ZNF704: variants seen among roughly 807,000 people sequenced by gnomAD.
The protein encoded by ZNF704 is zinc finger protein 704, also known as glucocorticoid induced gene 1.
ZNF704 carries 10 observed loss-of-function variants against 44.7 expected under a neutral mutation model. That is an observed-to-expected ratio of 0.22 (90% CI 0.14 to 0.38). ZNF704 has a LOEUF of 0.38. ZNF704 is among the 10% of genes least tolerant of loss of function. The pLI is 1.00. For missense variants in ZNF704, 390 were observed against 545.5 expected (o/e 0.71, Z 2.84); for synonymous variants, 211 against 207.6 (o/e 1.02, Z -0.14).
intron 2 of ZNF704, among the ~76,000 whole-genome samples, chr8:80,813,412 TTATAA>T (rs1157724026): frequency 6.6e-6 from 1 of 152,240 alleles, no homozygotes; most frequent in Admixed American, 6.5e-5. Context: ...TAATGTGTGC[TTATAA>T]TAAAGAACTT....
At chr8:80,882,078 C>T in the ZNF704 span, among the ~76,000 whole-genome samples, 6 of 152,276 alleles carry the variant, frequency 3.9e-5, no homozygotes, top group South Asian at 2.1e-4. Flanking sequence ...AATATAGTGC[C>T]GCCAACCTTT....
chr8:80,848,467 T>C (rs928772108), intron 1 of ZNF704, among the ~76,000 whole-genome samples: 18 of 152,248 alleles, frequency 1.2e-4, no homozygotes, highest in Non-Finnish European at 1.3e-4. Flanking sequence ...GATGTTACCA[T>C]TGAAAGAAAC....
intron 2 of ZNF704, among the ~76,000 whole-genome samples, chr8:80,796,230 A>G (rs1807798673): frequency 6.6e-6 from 1 of 151,906 alleles, no homozygotes; most frequent in Admixed American, 6.6e-5. Context: ...GCTGGTGGGA[A>G]CTCTCTGCAG....
intron 2 of ZNF704, among the ~76,000 whole-genome samples, chr8:80,778,448 C>T (rs1397882048): frequency 1.3e-5 from 2 of 152,110 alleles, no homozygotes; most frequent in South Asian, 2.1e-4. Flanking sequence ...AGCAGAATGG[C>T]AATTCCTCAA....
intron 1 of ZNF704, among the ~76,000 whole-genome samples, chr8:80,865,345 G>A (rs1443191236): frequency 6.6e-6 from 1 of 152,180 alleles, no homozygotes; most frequent in Non-Finnish European, 1.5e-5. Flanking sequence ...CATGCAACAA[G>A]TGAGTGGAGA....
In ZNF704 at chr8:80,631,014, T is replaced by TAA. The variant is rs1817575195; in HGVS notation, c.*10350_*10351dup. On this transcript the variant is annotated 3_prime_UTR_variant, in exon 9 of 9. Transcript: ENST00000327835. ...CTTCCCTAAAAAGCTAAGTCTTTTC[T>TAA]AAAGCTTTCTACCAATGACCAAGGA... The TAA allele has an allele frequency of 6.6e-6, 1 of 152,192 alleles. No homozygotes were observed. Among genetic ancestry groups the TAA allele is most frequent in the South Asian group, 2.1e-4 (1 of 4,828 alleles). 9.4% of individuals were successfully genotyped at this position (152,192 alleles called of 1,614,324 possible).
At chr8:80,680,332 T>C (rs901425395) in intron 4 of ZNF704, among the ~76,000 whole-genome samples, 3 of 152,088 alleles carry the variant, frequency 2.0e-5, no homozygotes, top group African/African-American at 7.2e-5. Flanking sequence ...GTTAACGTCA[T>C]GTTCTGAGGT....
At chr8:80,787,321 C>A (rs1807631067) in intron 2 of ZNF704, among the ~76,000 whole-genome samples, 1 of 152,168 alleles carries the variant, frequency 6.6e-6, no homozygotes, top group Non-Finnish European at 1.5e-5. Flanking sequence ...TGCACATCTA[C>A]ATGTGCGTGC....
rs1210940354 is a variant in ZNF704 at position 80,874,135 on chromosome 8, G to C, written c.-22+436C>G. ...TGCCTCCGCCGGTGGCCGCAGGGCC[G>C]GGGACTCGCGGCCGCAAGGGGCTGC... On this transcript the variant is annotated intron_variant, in intron 1 of 8. Transcript: ENST00000327835. This position sits in a 1 kb window ranked among gnomAD's most constrained non-coding sequence, Gnocchi z 4.4. 6.8e-6 allele frequency among the ~76,000 whole-genome samples: 1 copy of C among 146,686 alleles called. No homozygotes were observed. Among genetic ancestry groups the C allele is most frequent in the African/African-American group, 2.4e-5 (1 of 40,890 alleles).
the ZNF704 span, among the ~76,000 whole-genome samples, chr8:80,883,271 A>G: frequency 6.6e-6 from 1 of 151,440 alleles, no homozygotes; most frequent in South Asian, 2.1e-4. Flanking sequence ...AAAAAGAAAG[A>G]AATATTTTAA....
Position 80,728,649 on chromosome 8 carries a change from T to G in ZNF704, c.222-35542A>C, listed in dbSNP as rs913011899. On this transcript the variant is annotated intron_variant, in intron 2 of 8. Coordinates refer to ENST00000327835, the MANE Select transcript of ZNF704 (RefSeq NM_001033723.3). ...ACAAAAACCAAAGAAGTGAAGTAAC[T>G]TGTTTAAAGGCACAGAGTAATTGGG... is the stretch of plus-strand genomic sequence containing the variant. Among the ~76,000 whole-genome samples, 6 of 152,304 alleles carry G rather than the reference T, an allele frequency of 3.9e-5. No individual in the cohort carries two copies. In the South Asian group the frequency reaches 1.2e-3, roughly 32 times the overall value.
At position 80,842,778 on chromosome 8, in the gene ZNF704, G is replaced by A. The variant is rs369164426; in HGVS notation, c.-21-21163C>T. ...TCAAACCACACTCAAGAAAGCACAG[G>A]AAATCAGAACCACAGTGGAAGATGG... On this transcript the variant is annotated intron_variant, in intron 1 of 8. Coordinates refer to ENST00000327835, the MANE Select transcript of ZNF704 (RefSeq NM_001033723.3). Among the ~76,000 whole-genome samples the A allele has an allele frequency of 1.1e-4, 17 of 152,288 alleles. No homozygotes were observed. The East Asian group carries it at 1.9e-3, about 17-fold the overall frequency.
At chr8:80,663,369 A>C (rs1432329066) in intron 6 of ZNF704, among the ~76,000 whole-genome samples, 2 of 149,602 alleles carry the variant, frequency 1.3e-5, no homozygotes, top group Non-Finnish European at 3.0e-5. Flanking sequence ...CCTGTCTCAA[A>C]AAAAAAAAAA....
chr8:80,682,735 G>T (rs1025271150), intron 4 of ZNF704, among the ~76,000 whole-genome samples: 1 of 152,224 alleles, frequency 6.6e-6, no homozygotes, highest in Non-Finnish European at 1.5e-5. Flanking sequence ...GGTGGGGGAG[G>T]GGGGAGGAGG....
chr8:80,675,807 A>G (rs1818356030), intron 4 of ZNF704, among the ~76,000 whole-genome samples: 1 of 152,170 alleles, frequency 6.6e-6, no homozygotes, highest in African/African-American at 2.4e-5. Context: ...CACGCAGGAC[A>G]CTGGATATGT....
chr8:80,862,752 G>A (rs1430315976), intron 1 of ZNF704, among the ~76,000 whole-genome samples: 1 of 119,584 alleles, frequency 8.4e-6, no homozygotes, highest in Middle Eastern at 5.9e-3. Flanking sequence ...GCAACAGAGT[G>A]AGACTCCGTC....
intron 2 of ZNF704, among the ~76,000 whole-genome samples, chr8:80,732,222 G>A (rs553094851): frequency 3.9e-5 from 6 of 151,948 alleles, no homozygotes; most frequent in Admixed American, 2.6e-4. Context: ...ACCCATTTTC[G>A]GGATTTTGTC....
intron 4 of ZNF704, among the ~76,000 whole-genome samples, chr8:80,682,428 G>C (rs1007340772): frequency 6.0e-4 from 91 of 152,240 alleles, no homozygotes; most frequent in Admixed American, 5.9e-3. Flanking sequence ...GATGAAGGCT[G>C]AAATTTAGAA....
At chr8:80,730,960 T>G (rs112379021) in intron 2 of ZNF704, among the ~76,000 whole-genome samples, 7,204 of 152,292 alleles carry the variant, frequency 0.047, 234 homozygotes, top group Middle Eastern at 0.11. Flanking sequence ...TTATTTCAAA[T>G]TTATATTTGA....
Sources: gnomAD v4.1 joint callset for allele counts (sites outside exome capture counted in the v4.1 genomes callset) on GRCh38, gnomAD v4.1.1 for gene constraint, Gnocchi (gnomAD v3.1) non-coding constraint, MANE v1.5 for transcripts, NCBI Gene and HGNC (gene_info 2026-07-23, HGNC 2026-07-21) for gene names.